PARG: variants seen among roughly 807,000 people sequenced by gnomAD.
PARG encodes the protein mitochondrial poly(ADP-ribose) glycohydrolase.
In PARG, 35 loss-of-function variants were observed where a neutral mutation model predicts 113.0. The ratio of observed to expected loss-of-function variants is 0.31; its 90% CI spans 0.24 to 0.41. PARG has a LOEUF of 0.41. Among genes scored for constraint, PARG ranks in the 10% least tolerant of loss-of-function variants. The pLI, the probability that PARG is intolerant of heterozygous loss-of-function variation, is 1.00. For synonymous variants in PARG, 330 were observed against 409.9 expected, an observed-to-expected ratio of 0.81 and a Z score of 2.36; for missense variants, 797 against 1,169.4, an observed-to-expected ratio of 0.68 and a Z score of 4.64.
intron 15 of PARG, among the ~76,000 whole-genome samples, chr10:49,838,431 C>CAAAAAA (rs782657099): frequency 2.5e-5 from 1 of 40,294 alleles, no homozygotes; most frequent in Non-Finnish European, 4.2e-5. Flanking sequence ...AACTCCGTCT[C>CAAAAAA]AAAAAAAAAA....
chr10:49,896,198 C>T (rs1812378708), intron 7 of PARG, among the ~76,000 whole-genome samples: 1 of 152,178 alleles, frequency 6.6e-6, no homozygotes, highest in Non-Finnish European at 1.5e-5. Context: ...CATATTTCAC[C>T]ATGAAGCATG....
intron 13 of PARG, among the ~76,000 whole-genome samples, chr10:49,844,398 G>GT (rs1352656661): frequency 1.3e-5 from 2 of 152,094 alleles, no homozygotes; most frequent in Non-Finnish European, 2.9e-5. Context: ...CGAGGCTGGT[G>GT]GATCACCTGA....
intron 13 of PARG, among the ~76,000 whole-genome samples, chr10:49,845,341 A>T (rs1158756245): frequency 6.6e-6 from 1 of 152,218 alleles, no homozygotes; most frequent in Non-Finnish European, 1.5e-5. Context: ...GTTTCCTTAC[A>T]ATAGATTTGT....
chr10:49,862,677 A>G (rs1326456083), intron 11 of PARG, among the ~76,000 whole-genome samples: 2 of 149,384 alleles, frequency 1.3e-5, no homozygotes, highest in African/African-American at 4.9e-5. Context: ...AACAAAGCAC[A>G]GAACATCTAA....
intron 9 of PARG, among the ~76,000 whole-genome samples, chr10:49,877,135 G>A (rs1759420178): frequency 6.6e-6 from 1 of 150,618 alleles, no homozygotes; most frequent in Non-Finnish European, 1.5e-5. Context: ...GACAGTCTAA[G>A]AGCAGCTTAT....
Position 49,857,340 on chromosome 10 carries a change from C to T in PARG, c.2319G>A (p.Glu773=). The part of the protein sequence containing the change: ...PELIISRLFT[E]VLDHNECLII... ...TTAGACATTCATTGTGATCCAGCAC[C>T]TCAGTGAAGAGCCGTGAAATAATCA... Residue 773 remains glutamate, a synonymous_variant, in exon 13 of 18, where the codon GAG becomes GAA. Coordinates refer to ENST00000616448, the MANE Select transcript of PARG (RefSeq NM_003631.5). The T allele has an allele frequency of 8.0e-7, 1 of 1,250,598 alleles. No homozygotes were observed. The highest frequency in any genetic ancestry group is 1.2e-6 in the Non-Finnish European group (1 of 866,772). The allele number at this position is 1,250,598 out of a possible 1,614,324, so 77.5% of individuals were successfully genotyped here.
chr10:49,868,175 A>C (rs1360950422), intron 10 of PARG, among the ~76,000 whole-genome samples: 3 of 152,102 alleles, frequency 2.0e-5, no homozygotes, highest in Non-Finnish European at 4.4e-5. Context: ...TTTTAGTAGA[A>C]ATGGGGTTTC....
chr10:49,939,380 G>A (rs1478679375), intron 1 of PARG, among the ~76,000 whole-genome samples: 2 of 152,162 alleles, frequency 1.3e-5, no homozygotes, highest in Non-Finnish European at 2.9e-5. Context: ...AAATAACACA[G>A]ACAATATAAG....
intron 9 of PARG, among the ~76,000 whole-genome samples, chr10:49,870,660 A>G (rs1395008465): frequency 6.6e-6 from 1 of 151,974 alleles, no homozygotes; most frequent in Non-Finnish European, 1.5e-5. Context: ...CTAACACAAA[A>G]GCATGCTTTT....
In PARG at chr10:49,869,465, A is replaced by G; in HGVS notation, c.2068+11T>C. On this transcript the variant is annotated intron_variant, in intron 10 of 17. Coordinates refer to ENST00000616448, the MANE Select transcript of PARG (RefSeq NM_003631.5). ...GCAAGAAAAATTACAGTAAGAATGA[A>G]AGGAATTTACTTTTCTCTGTGACTC... 2 of 741,770 alleles carry G rather than the reference A, an allele frequency of 2.7e-6. No individual in the cohort carries two copies. Among genetic ancestry groups the G allele is most frequent in the Non-Finnish European group, 4.9e-6 (2 of 411,456 alleles). The allele number at this position is 741,770 out of a possible 1,614,324, so 45.9% of individuals were successfully genotyped here.
chr10:49,824,048 C>T (rs1355349783), intron 16 of PARG, among the ~76,000 whole-genome samples: 3 of 152,106 alleles, frequency 2.0e-5, no homozygotes, highest in African/African-American at 7.2e-5. Flanking sequence ...TAGCCAGTTA[C>T]TCTCTGGGCC....
chr10:49,938,848 T>C (rs1261740975), intron 1 of PARG, among the ~76,000 whole-genome samples: 69 of 152,268 alleles, frequency 4.5e-4, no homozygotes, highest in African/African-American at 1.5e-3. Context: ...GATAATTATA[T>C]ATAAAAATTT....
At chr10:49,937,400 C>T (rs1192023383) in intron 1 of PARG, among the ~76,000 whole-genome samples, 5 of 150,938 alleles carry the variant, frequency 3.3e-5, no homozygotes, top group African/African-American at 1.2e-4. Context: ...GGCGTGAACC[C>T]GGGAGGTGGA....
intron 6 of PARG, 67 bp downstream of exon 6, chr10:49,922,269 A>C: frequency 1.2e-5 from 19 of 1,521,714 alleles, no homozygotes; most frequent in Non-Finnish European, 1.5e-5. Flanking sequence ...GTCTATTAAG[A>C]CCAAAAAGTC....
rs202215714 is a variant in PARG, at chr10:49,920,463, AATATAT to A, written c.1662+1867_1662+1872del. Among the ~76,000 whole-genome samples the A allele has an allele frequency of 7.6e-3, 364 of 47,950 alleles. 15 individuals carry two copies. The East Asian group carries it at 0.085, about 11-fold the overall frequency. 31.5% of individuals were successfully genotyped at this position (47,950 alleles called of 152,430 possible). On this transcript the variant is annotated intron_variant, in intron 6 of 17. Transcript: ENST00000616448. ...CCCAGCCTCAAATTAAAAAAAAAAA[AATATAT>A]ATATATATATATATATATATATATA...
intron 15 of PARG, among the ~76,000 whole-genome samples, chr10:49,835,654 C>G (rs1013152049): frequency 6.6e-6 from 1 of 151,810 alleles, no homozygotes; most frequent in Non-Finnish European, 1.5e-5. Flanking sequence ...GAAAAGAGAC[C>G]AAACAAAACT....
intron 8 of PARG, among the ~76,000 whole-genome samples, chr10:49,883,807 G>GAA (rs781945080): frequency 1.7e-4 from 15 of 90,034 alleles, no homozygotes; most frequent in Non-Finnish European, 2.6e-4. Flanking sequence ...GTCTCAAAAA[G>GAA]AAAAAAAAAA....
intron 15 of PARG, among the ~76,000 whole-genome samples, chr10:49,834,234 CA>C (rs1195982928): frequency 6.6e-6 from 1 of 152,094 alleles, no homozygotes. Context: ...CATTAACGAA[CA>C]AGGGAAAAAA....
chr10:49,920,275 T>C (rs544568061), intron 6 of PARG, among the ~76,000 whole-genome samples: 2 of 150,704 alleles, frequency 1.3e-5, no homozygotes, highest in Non-Finnish European at 3.0e-5. Flanking sequence ...ACCCCGTCTC[T>C]ACAAAAAACT....
Sources: allele counts gnomAD v4.1 joint callset (sites outside exome capture counted in the v4.1 genomes callset), GRCh38; gene constraint gnomAD v4.1.1; transcripts MANE v1.5; gene names NCBI Gene and HGNC (gene_info 2026-07-23, HGNC 2026-07-21).